Variants in ZNF346 observed in about 807,000 individuals in gnomAD.
The protein encoded by ZNF346 is zinc finger protein 346.
Under a neutral mutation model 33.7 loss-of-function variants are expected in ZNF346, and 23 were observed. That is an observed-to-expected ratio of 0.68 (90% CI 0.49 to 0.97). The LOEUF (loss-of-function observed/expected upper bound fraction) is 0.97, where lower values mean the gene tolerates loss of function less well. ZNF346 is among the 50% of genes least tolerant of loss of function. ZNF346 has a pLI of 0.00. For synonymous variants in ZNF346, 134 were observed against 142.4 expected, an observed-to-expected ratio of 0.94 and a Z score of 0.42; for missense variants, 340 against 371.1, an observed-to-expected ratio of 0.92 and a Z score of 0.69.
At chr5:177,028,496 T>TTATATA (rs150044807) in intron 1 of ZNF346, among the ~76,000 whole-genome samples, 26,996 of 90,432 alleles carry the variant, frequency 0.3, 4,860 homozygotes, top group Admixed American at 0.48. Context: ...TTGTGACGTT[T>TTATATA]TATATATATA....
At chr5:177,024,157 TACACACAC>T (rs144403449) in intron 1 of ZNF346, among the ~76,000 whole-genome samples, 2 of 121,360 alleles carry the variant, frequency 1.6e-5, no homozygotes, top group African/African-American at 3.2e-5. Context: ...ATTTTATGTA[TACACACAC>T]ACACACACAC....
At chr5:177,035,638 T>G (rs921688174) in intron 1 of ZNF346, among the ~76,000 whole-genome samples, 1 of 115,490 alleles carries the variant, frequency 8.7e-6, no homozygotes, top group Admixed American at 7.9e-5. Flanking sequence ...ATTGACTTTT[T>G]TTTTTTTTTT....
chr5:177,050,522 G>A (rs1360910592), intron 4 of ZNF346, among the ~76,000 whole-genome samples: 1 of 152,156 alleles, frequency 6.6e-6, no homozygotes, highest in Non-Finnish European at 1.5e-5. Context: ...CAGTCTTTGG[G>A]CTCCCTCAAA....
At chr5:177,060,166 G>A (rs961247507) in intron 5 of ZNF346, among the ~76,000 whole-genome samples, 1 of 152,206 alleles carries the variant, frequency 6.6e-6, no homozygotes, top group East Asian at 1.9e-4. Context: ...CCAGCGTGAG[G>A]AGGTTTGGAG....
At position 177,062,275 on chromosome 5, in the gene ZNF346, G is replaced by A. The variant is rs1782647770; in HGVS notation, c.797+124G>A. Reference sequence around the variant, plus strand: ...GGCAGTCTTTTTTCAGTGAACAGAAGATGAATCATGTAACAGGAACAAGTG... The same window carrying A: ...GGCAGTCTTTTTTCAGTGAACAGAAAATGAATCATGTAACAGGAACAAGTG... On this transcript the variant is annotated intron_variant, in intron 6 of 6. Coordinates refer to ENST00000358149, the MANE Select transcript of ZNF346 (RefSeq NM_012279.4). 6.8e-6 allele frequency: 5 copies of A among 735,838 alleles called. No homozygotes were observed. In the South Asian group the frequency reaches 8.3e-5, roughly 12 times the overall value. 45.6% of individuals were successfully genotyped at this position (735,838 alleles called of 1,614,324 possible). A position where few individuals can be genotyped will look rare whatever the true frequency, so the allele number is the denominator to read the frequency against.
intron 1 of ZNF346, among the ~76,000 whole-genome samples, chr5:177,032,658 G>A (rs867326274): frequency 1.3e-5 from 2 of 152,114 alleles, no homozygotes; most frequent in Admixed American, 6.6e-5. Flanking sequence ...TGATCCGCCC[G>A]CCTCGGCCTC....
In ZNF346 at chr5:177,057,720, G is replaced by A. The variant is rs1424454163; in HGVS notation, c.704-4338G>A. 1.6e-4 allele frequency among the ~76,000 whole-genome samples: 24 copies of A among 149,708 alleles called. 1 individual carries two copies. The South Asian group carries it at 4.4e-3, about 28-fold the overall frequency. On this transcript the variant is annotated intron_variant, in intron 5 of 6. Transcript: ENST00000358149. ...GCCACTGCACTCCAGTCTGGGCGAC[G>A]GGGTGAGACCCTGTCTCAAAAAAAA...
At chr5:177,031,109 C>T (rs1777628478) in intron 1 of ZNF346, among the ~76,000 whole-genome samples, 1 of 152,110 alleles carries the variant, frequency 6.6e-6, no homozygotes, top group Admixed American at 6.6e-5. Context: ...GATCTCGGCT[C>T]ACTGCATGCT....
chr5:177,035,832 G>T (rs548011531), intron 1 of ZNF346, among the ~76,000 whole-genome samples: 3 of 152,106 alleles, frequency 2.0e-5, no homozygotes, highest in Admixed American at 2.0e-4. Flanking sequence ...GTAGAGACAG[G>T]GTTTCACTAT....
chr5:177,050,691 C>G, intron 4 of ZNF346, 60 bp from the exon 5 acceptor site: 1 of 1,597,838 alleles, frequency 6.3e-7, no homozygotes, highest in Non-Finnish European at 8.6e-7. Flanking sequence ...TGTTTGAACT[C>G]TCTCACTGCA....
intron 1 of ZNF346, among the ~76,000 whole-genome samples, chr5:177,025,357 C>A (rs1046795071): frequency 6.6e-6 from 1 of 150,920 alleles, no homozygotes; most frequent in African/African-American, 2.4e-5. Context: ...GTGAATAGTG[C>A]TGCTGCGAAC....
intron 1 of ZNF346, among the ~76,000 whole-genome samples, chr5:177,030,945 C>A (rs1777603673): frequency 7.6e-6 from 1 of 131,032 alleles, no homozygotes; most frequent in Non-Finnish European, 1.6e-5. Flanking sequence ...TTTGAGACGA[C>A]ATTTTGCTCT....
In ZNF346 at chr5:177,074,643, C is replaced by T. The variant is rs543660386; in HGVS notation, c.*3-4739C>T. ...TAAAAAGTGCATGAGCCAGTACATTCACTATTTTGTGTAAGCAGGTTTGAA... is the reference window on the plus strand; with the variant it reads ...TAAAAAGTGCATGAGCCAGTACATTTACTATTTTGTGTAAGCAGGTTTGAA... On this transcript the variant is annotated intron_variant, in intron 8 of 8. Transcript: ENST00000503039. Among the ~76,000 whole-genome samples, 14 of 152,280 alleles carry T rather than the reference C, an allele frequency of 9.2e-5. No individual in the cohort carries two copies. The East Asian group carries it at 2.5e-3, about 27-fold the overall frequency.
At chr5:177,061,369 C>T (rs1249712427) in intron 5 of ZNF346, among the ~76,000 whole-genome samples, 2 of 151,982 alleles carry the variant, frequency 1.3e-5, no homozygotes, top group African/African-American at 2.4e-5. Flanking sequence ...CCCTCGAACC[C>T]GGGAGGCACA....
chr5:177,027,840 G>A (rs1219832759), intron 1 of ZNF346, among the ~76,000 whole-genome samples: 1 of 150,934 alleles, frequency 6.6e-6, no homozygotes, highest in Non-Finnish European at 1.5e-5. Flanking sequence ...AGAGGGTCTT[G>A]CTCTGTTGCC....
In ZNF346 at chr5:177,050,756, C is replaced by T. The variant is rs552178898; in HGVS notation, c.523C>T (p.His175Tyr). ...KQQSTKVEAL[H>Y]QNREMIDPDK... ...CCTTGTGGCCTCCACCTTAGCCTTG[C>T]ACCAGAATAGAGAGATGATAGACCC... is the stretch of plus-strand genomic sequence containing the variant. The change falls in exon 5 of 7, where the codon CAC becomes TAC. Residue 175 changes from histidine (H) to tyrosine (Y), a missense_variant. His to Tyr is a moderately conservative substitution (Grantham distance 83, BLOSUM62 2). Transcript: ENST00000358149. The T allele has an allele frequency of 1.5e-5, 25 of 1,614,212 alleles. No individual in the cohort carries two copies. The highest frequency in any genetic ancestry group is 1.9e-5 in the Non-Finnish European group (22 of 1,180,026).
At chr5:177,052,199 A>C (rs1315821203) in intron 5 of ZNF346, among the ~76,000 whole-genome samples, 1 of 148,882 alleles carries the variant, frequency 6.7e-6, no homozygotes, top group East Asian at 2.0e-4. Context: ...AGACAGTCTC[A>C]CTCTGTCTCC....
At chr5:177,047,098 G>A (rs1780159394) in intron 4 of ZNF346, among the ~76,000 whole-genome samples, 1 of 151,268 alleles carries the variant, frequency 6.6e-6, no homozygotes, top group Admixed American at 6.6e-5. Context: ...ACCCAGGCTG[G>A]AGTGCAGTGG....
At chr5:177,025,252 A>G (rs1442466741) in intron 1 of ZNF346, among the ~76,000 whole-genome samples, 1 of 152,086 alleles carries the variant, frequency 6.6e-6, no homozygotes, top group Non-Finnish European at 1.5e-5. Context: ...ATTCCTTTTT[A>G]TTGCTAAATA....
Sources: gnomAD v4.1 joint callset for allele counts (sites outside exome capture counted in the v4.1 genomes callset) on GRCh38, gnomAD v4.1.1 for gene constraint, MANE v1.5 for transcripts, NCBI Gene and HGNC (gene_info 2026-07-23, HGNC 2026-07-21) for gene names.